Variants in ECE1 observed in about 807,000 individuals in gnomAD.
ECE1 encodes endothelin converting enzyme 1, also known as endothelin-converting enzyme 1.
ECE1 carries 35 observed loss-of-function variants against 98.6 expected under a neutral mutation model. The observed-to-expected ratio is 0.35, with a 90% CI of 0.27 to 0.47. ECE1 has a LOEUF of 0.47. ECE1 is among the 20% of genes least tolerant of loss of function. ECE1 has a pLI of 1.00. For synonymous variants in ECE1, 394 were observed against 407.1 expected (o/e 0.97, Z 0.39); for missense variants, 814 against 1,025.3 (o/e 0.79, Z 2.81).
chr1:21,305,547 T>A (rs1221091746), intron 1 of ECE1, among the ~76,000 whole-genome samples: 1 of 152,024 alleles, frequency 6.6e-6, no homozygotes, highest in Non-Finnish European at 1.5e-5. Context: ...TCAGGGTCGC[T>A]CAGACCACCG....
At chr1:21,268,979 G>A (rs28367964) in intron 4 of ECE1, among the ~76,000 whole-genome samples, 130 of 152,362 alleles carry the variant, frequency 8.5e-4, no homozygotes, top group Non-Finnish European at 1.6e-3. Flanking sequence ...GAAGCCCCTA[G>A]TCAGTATGAC....
At chr1:21,246,763 C>T (rs2098204214) in intron 9 of ECE1, among the ~76,000 whole-genome samples, 2 of 152,048 alleles carry the variant, frequency 1.3e-5, no homozygotes, top group South Asian at 4.1e-4. Flanking sequence ...CTCAAGAGAT[C>T]CTTCCACTTC....
intron 2 of ECE1, among the ~76,000 whole-genome samples, chr1:21,285,689 CAAAA>C (rs11454934): frequency 2.8e-5 from 2 of 71,830 alleles, no homozygotes; most frequent in African/African-American, 4.8e-5. Context: ...GACCCTGCCT[CAAAA>C]AAAAAAAAAA....
intron 9 of ECE1, 81 bp downstream of exon 9, chr1:21,247,140 G>A: frequency 6.2e-7 from 1 of 1,601,692 alleles, no homozygotes; most frequent in Non-Finnish European, 8.5e-7. Context: ...GAGTCAGACT[G>A]TCATCCCCAC....
At chr1:21,275,122 G>A (rs2098245004) in intron 3 of ECE1, among the ~76,000 whole-genome samples, 1 of 152,226 alleles carries the variant, frequency 6.6e-6, no homozygotes, top group Admixed American at 6.5e-5. Flanking sequence ...CATCTTGGCT[G>A]GTGGAGATGC....
In ECE1 at chr1:21,251,291, T is replaced by G. The variant is rs1339264547; in HGVS notation, c.1021-3928A>C. Among the ~76,000 whole-genome samples, 5 of 152,056 alleles carry G rather than the reference T, an allele frequency of 3.3e-5. No individual in the cohort carries two copies. The East Asian group carries it at 9.7e-4, about 29-fold the overall frequency. ...ACTTTGGGAGGCCAAGACAGGAGAA[T>G]CACCTGAGTCCAGGAGTTCAAGACC... is the stretch of plus-strand genomic sequence containing the variant. On this transcript the variant is annotated intron_variant, in intron 8 of 18. Coordinates refer to ENST00000374893, the MANE Select transcript of ECE1 (RefSeq NM_001397.3).
rs907439626 is a variant in ECE1, at chr1:21,327,284, C to T, written c.3+18092G>A. On this transcript the variant is annotated intron_variant, in intron 1 of 18. Coordinates refer to the ECE1 transcript ENST00000415912. This position sits in a 1 kb window ranked among gnomAD's most constrained non-coding sequence, Gnocchi z 4.6. ...GCTCCAGCTTAGCGTCTGGCTCTAA[C>T]GCTTGGACTGTGTGACTCCGGTGGC... Among the ~76,000 whole-genome samples, 6 of 152,316 alleles carry T rather than the reference C, an allele frequency of 3.9e-5. No individual in the cohort carries two copies. Among genetic ancestry groups the T allele is most frequent in the African/African-American group, 1.4e-4 (6 of 41,584 alleles).
At chr1:21,226,353 G>A (rs1338150308) in intron 16 of ECE1, among the ~76,000 whole-genome samples, 1 of 152,156 alleles carries the variant, frequency 6.6e-6, no homozygotes, top group Admixed American at 6.5e-5. Context: ...CCACGGGAGG[G>A]TGGAACCATC....
intron 4 of ECE1, among the ~76,000 whole-genome samples, chr1:21,264,635 G>A (rs946805657): frequency 1.3e-5 from 2 of 152,180 alleles, no homozygotes; most frequent in African/African-American, 4.8e-5. Flanking sequence ...AAATTGGCCA[G>A]AAGGCTCTAT....
At chr1:21,331,138 C>G (rs2103412383) in intron 1 of ECE1, among the ~76,000 whole-genome samples, 1 of 152,266 alleles carries the variant, frequency 6.6e-6, no homozygotes, top group East Asian at 1.9e-4. Flanking sequence ...CACGGTGGCT[C>G]ATGCCTGTAA....
At chr1:21,300,643 C>G (rs1638463348) in intron 1 of ECE1, among the ~76,000 whole-genome samples, 1 of 152,160 alleles carries the variant, frequency 6.6e-6, no homozygotes, top group Admixed American at 6.5e-5. Context: ...GCCATGTTGG[C>G]CAGGCTGGTC....
chr1:21,320,648 G>A (rs1178131087), intron 1 of ECE1, among the ~76,000 whole-genome samples: 1 of 152,200 alleles, frequency 6.6e-6, no homozygotes, highest in Admixed American at 6.5e-5. Context: ...CACTCACAGG[G>A]GGTCACACAG....
At chr1:21,236,193 C>G (rs937248721) in intron 12 of ECE1, among the ~76,000 whole-genome samples, 1 of 152,276 alleles carries the variant, frequency 6.6e-6, no homozygotes, top group South Asian at 2.1e-4. Flanking sequence ...TCCCGACCCA[C>G]GGGACGTGCT....
chr1:21,324,399 T>C (rs1639031405), intron 1 of ECE1, among the ~76,000 whole-genome samples: 1 of 152,140 alleles, frequency 6.6e-6, no homozygotes, highest in African/African-American at 2.4e-5. Flanking sequence ...ACAGGGACAC[T>C]CCACCCACTC....
chr1:21,283,902 C>T (rs768413492), intron 2 of ECE1, among the ~76,000 whole-genome samples: 31 of 152,332 alleles, frequency 2.0e-4, no homozygotes, highest in South Asian at 6.2e-4. Flanking sequence ...CTTGTACTAT[C>T]GGCTACGGGC....
In ECE1 at chr1:21,225,466, T is replaced by G. The variant is rs758211764; in HGVS notation, c.1850-26A>C. 1.2e-6 allele frequency: 2 copies of G among 1,612,004 alleles called. No individual in the cohort carries two copies. The highest frequency in any genetic ancestry group is 3.3e-5 in the Admixed American group (2 of 59,810). On this transcript the variant is annotated intron_variant, in intron 16 of 18. Coordinates refer to ENST00000374893, the MANE Select transcript of ECE1 (RefSeq NM_001397.3). The surrounding 1 kb of genome is among the most constrained non-coding windows in gnomAD (Gnocchi z 5.3). Reference sequence around the variant, plus strand: ...CTGTGGGTCAGAGGGAGGCGTCATGTCAAGGGAGGGAGGGGCACAGCAGGG... The same window carrying G: ...CTGTGGGTCAGAGGGAGGCGTCATGGCAAGGGAGGGAGGGGCACAGCAGGG...
At chr1:21,227,807 C>T in intron 15 of ECE1, 124 bp downstream of exon 15, 1 of 746,632 alleles carries the variant, frequency 1.3e-6, no homozygotes, top group Non-Finnish European at 2.2e-6. Context: ...TCTGCAACAT[C>T]TCTGACATCT....
Position 21,345,157 on chromosome 1 carries a change from C to A in ECE1, c.3+219G>T. Reference sequence around the variant, plus strand: ...GGACCAGAACCAAGCTCGGCGCGGCCGCCCCCGACGGGACCAAGCGCAGCG... The same window carrying A: ...GGACCAGAACCAAGCTCGGCGCGGCAGCCCCCGACGGGACCAAGCGCAGCG... On this transcript the variant is annotated intron_variant, in intron 1 of 18. Coordinates refer to the ECE1 transcript ENST00000415912. The surrounding 1 kb of genome is among the most constrained non-coding windows in gnomAD (Gnocchi z 5.1). 2 of 469,730 alleles carry A rather than the reference C, an allele frequency of 4.3e-6. 1 individual carries two copies. The highest frequency in any genetic ancestry group is 1.1e-4 in the Admixed American group (2 of 18,686). 29.1% of individuals were successfully genotyped at this position (469,730 alleles called of 1,614,324 possible).
At position 21,225,979 on chromosome 1, in the gene ECE1, G is replaced by A. The variant is rs369568190; in HGVS notation, c.1850-539C>T. Among the ~76,000 whole-genome samples, 33 of 151,960 alleles carry A rather than the reference G, an allele frequency of 2.2e-4. No homozygotes were observed. Among genetic ancestry groups the A allele is most frequent in the African/African-American group, 7.3e-4 (30 of 41,360 alleles). On this transcript the variant is annotated intron_variant, in intron 16 of 18. Transcript: ENST00000374893. The surrounding 1 kb of genome is among the most constrained non-coding windows in gnomAD (Gnocchi z 5.3). ...CAAAGTGCTGGGATTACAGGTGTGCGTCACCGTGCCTGGCTTATTTTCAAC... is the reference window on the plus strand; with the variant it reads ...CAAAGTGCTGGGATTACAGGTGTGCATCACCGTGCCTGGCTTATTTTCAAC...
Sources: gnomAD v4.1 joint callset for allele counts (sites outside exome capture counted in the v4.1 genomes callset) on GRCh38, gnomAD v4.1.1 for gene constraint, Gnocchi (gnomAD v3.1) non-coding constraint, MANE v1.5 for transcripts, NCBI Gene and HGNC (gene_info 2026-07-23, HGNC 2026-07-21) for gene names.